Variants in ZPBP observed in about 807,000 individuals in gnomAD.
ZPBP encodes the protein zona pellucida binding protein, also known as zona pellucida-binding protein 1.
Under a neutral mutation model 44.8 loss-of-function variants are expected in ZPBP, and 26 were observed. That is an observed-to-expected ratio of 0.58 (90% CI 0.43 to 0.81). The LOEUF is 0.81. Ranked by LOEUF, ZPBP falls within the 30% of genes least tolerant of loss-of-function variation. The probability of loss-of-function intolerance (pLI) is 0.00; values close to 1 mark genes in which losing one functional copy is unlikely to be tolerated. For missense variants in ZPBP, 409 were observed against 434.0 expected, an observed-to-expected ratio of 0.94 and a Z score of 0.51; for synonymous variants, 174 against 153.2, an observed-to-expected ratio of 1.14 and a Z score of -1.00.
chr7:50,087,835 ATTG>A (rs1802745918), intron 2 of ZPBP, among the ~76,000 whole-genome samples: 1 of 152,038 alleles, frequency 6.6e-6, no homozygotes, highest in African/African-American at 2.4e-5. Context: ...AAGACTTAAT[ATTG>A]TTAAGGCGAC....
rs576499124 is a variant in ZPBP at position 49,869,789 on chromosome 7, C to G, written n.510-19275G>C. On this transcript the variant is annotated intron_variant and non_coding_transcript_variant, in intron 2 of 2. Transcript: ENST00000465922. Reference sequence around the variant, plus strand: ...CAAGAGAATTGGATGTGCACGGCCACAAACTACATTTATAAAATGTACATA... The same window carrying G: ...CAAGAGAATTGGATGTGCACGGCCAGAAACTACATTTATAAAATGTACATA... Among the ~76,000 whole-genome samples the G allele has an allele frequency of 7.6e-4, 116 of 152,220 alleles. 1 individual carries two copies. Among genetic ancestry groups the G allele is most frequent in the Non-Finnish European group, 1.4e-3 (97 of 68,002 alleles).
intron 7 of ZPBP, among the ~76,000 whole-genome samples, chr7:49,961,075 C>T (rs1303364808): frequency 6.6e-6 from 1 of 152,106 alleles, no homozygotes; most frequent in Admixed American, 6.6e-5. Context: ...GTTAAACATA[C>T]ACTAACCATA....
intron 2 of ZPBP, among the ~76,000 whole-genome samples, chr7:49,871,954 C>CAT (rs1562743809): frequency 1.5e-5 from 1 of 65,890 alleles, no homozygotes; most frequent in Non-Finnish European, 3.2e-5. Flanking sequence ...CACACACACA[C>CAT]ACACCGAGAA....
chr7:49,846,088 T>G (rs1402618840), downstream of ZPBP, among the ~76,000 whole-genome samples: 1 of 152,236 alleles, frequency 6.6e-6, no homozygotes, highest in Non-Finnish European at 1.5e-5. Flanking sequence ...TTGCTTTTTT[T>G]GGATGATATC....
At chr7:50,087,550 ACAT>A (rs1802725232) in intron 2 of ZPBP, among the ~76,000 whole-genome samples, 1 of 152,022 alleles carries the variant, frequency 6.6e-6, no homozygotes, top group Admixed American at 6.6e-5. Flanking sequence ...CTCACAGATA[ACAT>A]CATACTTAAG....
intron 7 of ZPBP, among the ~76,000 whole-genome samples, chr7:49,981,680 T>TG (rs1796974211): frequency 2.3e-5 from 1 of 43,864 alleles, no homozygotes; most frequent in African/African-American, 1.7e-4. Context: ...ATATATTATA[T>TG]ATAATAATAT....
chr7:50,049,562 A>G (rs1172362928), intron 4 of ZPBP, among the ~76,000 whole-genome samples: 1 of 152,038 alleles, frequency 6.6e-6, no homozygotes, highest in Non-Finnish European at 1.5e-5. Context: ...TAAAAAACAC[A>G]TTTATATTAA....
intron 1 of ZPBP, among the ~76,000 whole-genome samples, chr7:49,927,877 T>C (rs73694381): frequency 0.021 from 3,247 of 152,274 alleles, 136 homozygotes; most frequent in African/African-American, 0.074. Flanking sequence ...TTAGTAAGTC[T>C]ACAGATGGTG....
At chr7:49,912,451 A>T (rs1005219030) in intron 1 of ZPBP, 1 of 310,932 alleles carries the variant, frequency 3.2e-6, no homozygotes, top group Non-Finnish European at 6.0e-6. Context: ...ACACTATTAT[A>T]TATCAAATGT....
Position 49,981,602 on chromosome 7 carries a change from A to ATTATATAAATTATAT in ZPBP, c.961+1739_961+1740insATATAATTTATATAA, listed in dbSNP as rs1554361029. ...AAATTATATATTATATAATTATATA[A>ATTATATAAATTATAT]ATTATATAATTATATTATATTATAT... is the stretch of plus-strand genomic sequence containing the variant. On this transcript the variant is annotated intron_variant, in intron 7 of 7. Coordinates refer to ENST00000046087, the MANE Select transcript of ZPBP (RefSeq NM_007009.3). Among the ~76,000 whole-genome samples the ATTATATAAATTATAT allele has an allele frequency of 1.9e-4, 7 of 36,072 alleles. 1 individual carries two copies. Among genetic ancestry groups the ATTATATAAATTATAT allele is most frequent in the Non-Finnish European group, 2.7e-4 (6 of 22,204 alleles). The allele number at this position is 36,072 out of a possible 152,430, so 23.7% of individuals were successfully genotyped here.
chr7:50,022,318 A>G lies in ZPBP; in HGVS notation c.707-4002T>C, dbSNP rs1333672715. On this transcript the variant is annotated intron_variant, in intron 5 of 7. Coordinates refer to ENST00000046087, the MANE Select transcript of ZPBP (RefSeq NM_007009.3). ...GATAATAATGACAAATGAATAAAACAATAATTACAATCTATGTTAGTGGAT... is the reference window on the plus strand; with the variant it reads ...GATAATAATGACAAATGAATAAAACGATAATTACAATCTATGTTAGTGGAT... Among the ~76,000 whole-genome samples the G allele has an allele frequency of 5.9e-5, 9 of 152,268 alleles. No homozygotes were observed. The East Asian group carries it at 1.5e-3, about 26-fold the overall frequency.
In ZPBP at chr7:50,057,960, G is replaced by T. The variant is rs772106579; in HGVS notation, c.487+29C>A. On this transcript the variant is annotated intron_variant, in intron 4 of 7. Transcript: ENST00000046087. ...TAAATGTTTAAAATCATTAAGAAAG[G>T]TTAAAACACAACTAACTTTACTTCT... The T allele has an allele frequency of 6.3e-6, 10 of 1,589,774 alleles. No homozygotes were observed. In the Admixed American group the frequency reaches 1.7e-4, roughly 27 times the overall value.
At chr7:49,980,046 AT>A (rs1226564641) in intron 7 of ZPBP, among the ~76,000 whole-genome samples, 2 of 91,062 alleles carry the variant, frequency 2.2e-5, no homozygotes, top group Non-Finnish European at 3.9e-5. Flanking sequence ...TATAATATAT[AT>A]AATATAATTT....
chr7:50,078,894 A>G (rs1312283006), intron 3 of ZPBP, among the ~76,000 whole-genome samples: 1 of 134,854 alleles, frequency 7.4e-6, no homozygotes, highest in African/African-American at 2.7e-5. Flanking sequence ...AAAAATGGGC[A>G]AAAGACATGA....
At chr7:49,922,194 TC>T (rs772626116) in intron 1 of ZPBP, among the ~76,000 whole-genome samples, 5 of 152,154 alleles carry the variant, frequency 3.3e-5, no homozygotes, top group Non-Finnish European at 7.3e-5. Context: ...TAATATAATA[TC>T]CCACGGAATT....
At chr7:50,011,342 C>CA (rs112764757) in intron 6 of ZPBP, among the ~76,000 whole-genome samples, 2,180 of 152,226 alleles carry the variant, frequency 0.014, 61 homozygotes, top group African/African-American at 0.05. Flanking sequence ...GCAAATGCAA[C>CA]AAAAACAAAG....
chr7:49,894,046 G>A (rs1792259143), intron 2 of ZPBP, among the ~76,000 whole-genome samples: 1 of 152,168 alleles, frequency 6.6e-6, no homozygotes, highest in African/African-American at 2.4e-5. Context: ...CCTAGTCCTG[G>A]ATGGAAGGGG....
chr7:49,841,801 G>A, the ZPBP span, among the ~76,000 whole-genome samples: 1 of 152,118 alleles, frequency 6.6e-6, no homozygotes, highest in African/African-American at 2.4e-5. Flanking sequence ...GGGAAATCAT[G>A]ACCAAAGCAA....
chr7:49,857,755 TA>T (rs1230769872), intron 2 of ZPBP, among the ~76,000 whole-genome samples: 1 of 152,118 alleles, frequency 6.6e-6, no homozygotes, highest in African/African-American at 2.4e-5. Context: ...CTCAACAAGT[TA>T]AAAACAGAGC....
Sources: allele counts gnomAD v4.1 joint callset (sites outside exome capture counted in the v4.1 genomes callset), GRCh38; gene constraint gnomAD v4.1.1; transcripts MANE v1.5; gene names NCBI Gene and HGNC (gene_info 2026-07-23, HGNC 2026-07-21).